PTPRD: variants seen among roughly 807,000 people sequenced by gnomAD.
PTPRD encodes protein tyrosine phosphatase receptor type D.
A neutral mutation model predicts 214.5 loss-of-function variants in PTPRD; 34 were observed. That is an observed-to-expected ratio of 0.16 (90% confidence interval 0.12 to 0.21). PTPRD has a LOEUF of 0.21. Ranked by LOEUF, PTPRD falls within the 10% of genes least tolerant of loss-of-function variation. The pLI is 1.00. For synonymous variants in PTPRD, 1,128 were observed against 845.7 expected (o/e 1.33, Z -5.79); for missense variants, 2,545 against 2,398.7 (o/e 1.06, Z -1.27).
chr9:10,556,881 A>G (rs2062732169), intron 2 of PTPRD, among the ~76,000 whole-genome samples: 1 of 152,130 alleles, frequency 6.6e-6, no homozygotes, highest in Non-Finnish European at 1.5e-5. Flanking sequence ...ATCAAGAGTG[A>G]AAAAAATGCT....
intron 3 of PTPRD, among the ~76,000 whole-genome samples, chr9:10,230,810 T>A (rs2099606784): frequency 6.6e-6 from 1 of 152,124 alleles, no homozygotes; most frequent in African/African-American, 2.4e-5. Context: ...TATATGCATT[T>A]ATTTACTTAA....
At chr9:10,439,321 T>A (rs1438888007) in intron 2 of PTPRD, among the ~76,000 whole-genome samples, 1 of 151,808 alleles carries the variant, frequency 6.6e-6, no homozygotes, top group East Asian at 1.9e-4. Context: ...AGAGCAATGC[T>A]GGCAACTAAT....
intron 5 of PTPRD, among the ~76,000 whole-genome samples, chr9:9,885,215 A>G (rs565129697): frequency 7.0e-4 from 107 of 152,224 alleles, no homozygotes; most frequent in African/African-American, 2.5e-3. Flanking sequence ...AAGTATTAAT[A>G]TATTGAATAA....
At chr9:9,813,635 C>A (rs1226279881) in intron 5 of PTPRD, among the ~76,000 whole-genome samples, 1 of 151,940 alleles carries the variant, frequency 6.6e-6, no homozygotes, top group Non-Finnish European at 1.5e-5. Flanking sequence ...ATGAAAATCT[C>A]CCAAAAAGAA....
chr9:9,578,661 T>TCTCATGTATCCTCAGTA (rs2089815100), intron 7 of PTPRD, among the ~76,000 whole-genome samples: 2 of 152,244 alleles, frequency 1.3e-5, no homozygotes, highest in South Asian at 4.1e-4. Context: ...TGTAATAGGA[T>TCTCATGTATCCTCAGTA]TTCTACATTG....
At chr9:9,000,281 C>T (rs1229881484) in intron 11 of PTPRD, among the ~76,000 whole-genome samples, 2 of 151,994 alleles carry the variant, frequency 1.3e-5, no homozygotes, top group Non-Finnish European at 2.9e-5. Flanking sequence ...ATTAGGTAAT[C>T]TCCAAATAGC....
intron 14 of PTPRD, among the ~76,000 whole-genome samples, chr9:8,589,300 C>G (rs1305780149): frequency 1.3e-5 from 2 of 152,110 alleles, no homozygotes; most frequent in African/African-American, 4.8e-5. Flanking sequence ...AACCGATAAA[C>G]ACTAAAAGTC....
intron 2 of PTPRD, among the ~76,000 whole-genome samples, chr9:10,425,572 C>T (rs1223152506): frequency 1.3e-5 from 2 of 151,968 alleles, no homozygotes; most frequent in South Asian, 2.1e-4. Context: ...ATATCATGCT[C>T]ATACTAAACT....
chr9:10,492,465 G>C (rs1381647456), intron 2 of PTPRD, among the ~76,000 whole-genome samples: 1 of 152,142 alleles, frequency 6.6e-6, no homozygotes, highest in Non-Finnish European at 1.5e-5. Flanking sequence ...GGTGACCAGG[G>C]ATGATTAGCT....
At chr9:9,498,385 T>A (rs1024713998) in intron 8 of PTPRD, among the ~76,000 whole-genome samples, 1 of 152,118 alleles carries the variant, frequency 6.6e-6, no homozygotes, top group African/African-American at 2.4e-5. Flanking sequence ...AGTAAATCCA[T>A]GCTGTAATTT....
intron 9 of PTPRD, among the ~76,000 whole-genome samples, chr9:9,301,238 T>C (rs998849221): frequency 3.9e-5 from 6 of 151,928 alleles, no homozygotes; most frequent in African/African-American, 1.4e-4. Context: ...TTTTTGAGGA[T>C]GCATTGAATT....
chr9:9,306,046 C>G (rs887670386), intron 9 of PTPRD, among the ~76,000 whole-genome samples: 1 of 152,140 alleles, frequency 6.6e-6, no homozygotes, highest in Non-Finnish European at 1.5e-5. Context: ...CCAGTCATAA[C>G]ACCAGTACAG....
chr9:10,364,579 A>G (rs1184370829), intron 2 of PTPRD, among the ~76,000 whole-genome samples: 1 of 151,950 alleles, frequency 6.6e-6, no homozygotes, highest in East Asian at 1.9e-4. Flanking sequence ...AAATTTTCAA[A>G]GAGTTGAAAT....
intron 2 of PTPRD, among the ~76,000 whole-genome samples, chr9:10,402,820 G>C (rs1171599913): frequency 6.6e-6 from 1 of 151,560 alleles, no homozygotes; most frequent in African/African-American, 2.4e-5. Context: ...AAAATACCAA[G>C]GCCTCTCTTT....
intron 2 of PTPRD, among the ~76,000 whole-genome samples, chr9:10,500,754 A>T (rs866351849): frequency 4.6e-5 from 7 of 151,840 alleles, no homozygotes; most frequent in Middle Eastern, 3.4e-3. Flanking sequence ...CCATGAATTC[A>T]ATTGTTTTAA....
intron 11 of PTPRD, among the ~76,000 whole-genome samples, chr9:8,783,443 T>C (rs1469740613): frequency 6.6e-6 from 1 of 152,164 alleles, no homozygotes; most frequent in Admixed American, 6.5e-5. Flanking sequence ...TGTACTGAAG[T>C]TTTATATGTA....
intron 2 of PTPRD, among the ~76,000 whole-genome samples, chr9:10,507,768 C>T (rs1453361973): frequency 6.6e-6 from 1 of 152,098 alleles, no homozygotes; most frequent in East Asian, 1.9e-4. Flanking sequence ...GAAACTGGAT[C>T]CTTTCCTTAT....
chr9:9,410,473 C>G (rs969084274), intron 8 of PTPRD, among the ~76,000 whole-genome samples: 1 of 152,172 alleles, frequency 6.6e-6, no homozygotes, highest in Non-Finnish European at 1.5e-5. Context: ...TTTCCCCACA[C>G]AGAAATACAC....
chr9:10,035,954 G>A (rs1003761191), intron 3 of PTPRD, among the ~76,000 whole-genome samples: 4 of 152,046 alleles, frequency 2.6e-5, no homozygotes, highest in Admixed American at 2.6e-4. Flanking sequence ...TAAAACTTAG[G>A]AGGACATAGG....
Sources: allele counts gnomAD v4.1 joint callset (sites outside exome capture counted in the v4.1 genomes callset), GRCh38; gene constraint gnomAD v4.1.1; transcripts MANE v1.5; gene names NCBI Gene and HGNC (gene_info 2026-07-23, HGNC 2026-07-21).